The following TANC1 variants were observed in gnomAD, a reference collection of about 807,000 sequenced individuals.
TANC1 encodes the protein tetratricopeptide repeat, ankyrin repeat and coiled-coil containing 1.
In TANC1, 77 loss-of-function variants were observed where a neutral mutation model predicts 149.7. The ratio of observed to expected loss-of-function variants is 0.51; its 90% CI spans 0.43 to 0.62. TANC1 has a LOEUF of 0.62. Among genes scored for constraint, TANC1 ranks in the 20% least tolerant of loss-of-function variants. TANC1 has a pLI of 0.00. For missense variants in TANC1, 1,985 were observed against 2,321.8 expected, an observed-to-expected ratio of 0.85 and a Z score of 2.98; for synonymous variants, 854 against 925.0, an observed-to-expected ratio of 0.92 and a Z score of 1.39.
intron 20 of TANC1, among the ~76,000 whole-genome samples, chr2:159,218,374 G>C (rs1244880277): frequency 1.3e-5 from 2 of 152,154 alleles, no homozygotes; most frequent in African/African-American, 2.4e-5. Flanking sequence ...CTAAGAGCTT[G>C]GTTTGTACCA....
intron 2 of TANC1, among the ~76,000 whole-genome samples, chr2:159,011,811 C>T (rs946078686): frequency 1.3e-5 from 2 of 152,192 alleles, no homozygotes; most frequent in Non-Finnish European, 2.9e-5. Context: ...CCGAATTCCA[C>T]AGTAGAGACA....
intron 7 of TANC1, among the ~76,000 whole-genome samples, chr2:159,152,463 A>T (rs1348228065): frequency 4.3e-4 from 51 of 118,100 alleles, no homozygotes; most frequent in East Asian, 6.8e-4. Flanking sequence ...TTATAACCAA[A>T]TTTTTTTTTT....
chr2:159,116,508 C>T (rs1470760584), intron 4 of TANC1, among the ~76,000 whole-genome samples: 1 of 151,570 alleles, frequency 6.6e-6, no homozygotes, highest in Admixed American at 6.6e-5. Flanking sequence ...CAATTGATGA[C>T]CTTTGAGCAG....
At chr2:159,202,762 C>T (rs576083569) in intron 19 of TANC1, among the ~76,000 whole-genome samples, 387 of 152,212 alleles carry the variant, frequency 2.5e-3, no homozygotes, top group Non-Finnish European at 4.2e-3. Context: ...CGTAGTTTCT[C>T]GGCAGCCTGA....
At chr2:158,976,357 G>A (rs2149189839) in intron 1 of TANC1, among the ~76,000 whole-genome samples, 1 of 152,206 alleles carries the variant, frequency 6.6e-6, no homozygotes, top group Admixed American at 6.5e-5. Flanking sequence ...AATTGACAGT[G>A]GTACCCTCAT....
At chr2:159,110,983 T>G (rs1342431307) in intron 4 of TANC1, among the ~76,000 whole-genome samples, 1 of 152,226 alleles carries the variant, frequency 6.6e-6, no homozygotes, top group Non-Finnish European at 1.5e-5. Context: ...GCTGCCAGCT[T>G]CTTGGATTAT....
At chr2:159,066,502 T>C (rs765101445) in intron 3 of TANC1, among the ~76,000 whole-genome samples, 13 of 152,234 alleles carry the variant, frequency 8.5e-5, no homozygotes, top group Non-Finnish European at 7.3e-5. Context: ...AACCAAATCC[T>C]TTCCCAGAAA....
chr2:159,070,621 A>T (rs75124993), intron 3 of TANC1, among the ~76,000 whole-genome samples: 570 of 152,352 alleles, frequency 3.7e-3, no homozygotes, highest in Non-Finnish European at 6.1e-3. Context: ...AGGAAAATCA[A>T]GGACAATTTG....
At position 159,149,776 on chromosome 2, in the gene TANC1, G is replaced by T. The variant is rs985620420; in HGVS notation, c.495+504G>T. 1.6e-5 allele frequency: 3 copies of T among 184,502 alleles called. No homozygotes were observed. In the East Asian group the frequency reaches 4.5e-4, roughly 28 times the overall value. The allele number at this position is 184,502 out of a possible 1,614,324, so 11.4% of individuals were successfully genotyped here. A position where few individuals can be genotyped will look rare whatever the true frequency, so the allele number is the denominator to read the frequency against. On this transcript the variant is annotated intron_variant, in intron 6 of 26. Coordinates refer to ENST00000263635, the MANE Select transcript of TANC1 (RefSeq NM_033394.3). ...CCAAGGGAGCAGCAGCATGCACCCT[G>T]CCACCTCCCAGATGTGATGTGTGCA...
At chr2:158,976,017 A>G (rs1465393261) in intron 1 of TANC1, among the ~76,000 whole-genome samples, 1 of 151,250 alleles carries the variant, frequency 6.6e-6, no homozygotes, top group Non-Finnish European at 1.5e-5. Flanking sequence ...TATTTTTTGT[A>G]GAGATGGGGT....
chr2:159,205,658 C>A (rs180907463), intron 19 of TANC1, among the ~76,000 whole-genome samples: 2 of 152,202 alleles, frequency 1.3e-5, no homozygotes, highest in Non-Finnish European at 2.9e-5. Context: ...GCTACACCAT[C>A]GAAGTTTGTG....
chr2:158,971,483 G>C (rs981397068), intron 1 of TANC1, among the ~76,000 whole-genome samples: 3 of 152,144 alleles, frequency 2.0e-5, no homozygotes, highest in African/African-American at 7.2e-5. Flanking sequence ...TTATATATTT[G>C]TGGGGAGGAT....
rs756257278 is a variant in TANC1 at position 159,229,676 on chromosome 2, G to A, written c.4250G>A (p.Cys1417Tyr). The A allele has an allele frequency of 7.4e-6, 12 of 1,613,772 alleles. No homozygotes were observed. In the Admixed American group the frequency reaches 8.3e-5, roughly 11 times the overall value. Reference sequence around the variant, plus strand: ...CTTCTGGCCCGCGTAGAAGAGGAGTGCAAACAACTCCAGAGGAGTCAACAG... The same window carrying A: ...CTTCTGGCCCGCGTAGAAGAGGAGTACAAACAACTCCAGAGGAGTCAACAG... ...KRLLARVEEE[C>Y]KQLQRSQQQK... The change falls in exon 27 of 27, where the codon TGC becomes TAC. Residue 1417 changes from cysteine (C) to tyrosine (Y), a missense_variant. Transcript: ENST00000263635.
Position 159,178,536 on chromosome 2 carries a change from G to T in TANC1, c.1903-20G>T. On this transcript the variant is annotated intron_variant, in intron 13 of 26. Coordinates refer to ENST00000263635, the MANE Select transcript of TANC1 (RefSeq NM_033394.3). ...GAATCTCTTTAGAGTGACACTGTGGGTTTTTGTTTTCTCCCCCAGGAAATC... is the reference window on the plus strand; with the variant it reads ...GAATCTCTTTAGAGTGACACTGTGGTTTTTTGTTTTCTCCCCCAGGAAATC... The T allele has an allele frequency of 1.3e-6, 2 of 1,537,702 alleles. No individual in the cohort carries two copies. Among genetic ancestry groups the T allele is most frequent in the Non-Finnish European group, 1.7e-6 (2 of 1,145,222 alleles).
intron 4 of TANC1, among the ~76,000 whole-genome samples, chr2:159,125,842 T>A (rs889281142): frequency 1.3e-5 from 2 of 152,004 alleles, no homozygotes; most frequent in Non-Finnish European, 2.9e-5. Context: ...CCCGCCTCGG[T>A]CTCCCAAAGT....
intron 2 of TANC1, chr2:159,056,196 T>C (rs961375662): frequency 4.2e-6 from 1 of 237,226 alleles, no homozygotes; most frequent in African/African-American, 2.3e-5. Context: ...TCCACAAAGG[T>C]GAGCTTTCCC....
chr2:158,981,537 ATATAT>A (rs2034380522), intron 1 of TANC1, among the ~76,000 whole-genome samples: 5 of 108,316 alleles, frequency 4.6e-5, no homozygotes, highest in South Asian at 5.8e-4. Context: ...ATATATATAT[ATATAT>A]AAAGAAGTAA....
intron 1 of TANC1, among the ~76,000 whole-genome samples, chr2:158,993,888 T>C (rs1026040067): frequency 3.3e-5 from 5 of 152,264 alleles, no homozygotes; most frequent in African/African-American, 1.2e-4. Context: ...GAATGCCTTC[T>C]GTATGAATGT....
chr2:159,121,194 T>C (rs2048813710), intron 4 of TANC1, among the ~76,000 whole-genome samples: 1 of 152,244 alleles, frequency 6.6e-6, no homozygotes, highest in African/African-American at 2.4e-5. Flanking sequence ...CTGGCTCATC[T>C]TTGTAAACAG....
Sources: gnomAD v4.1 joint callset for allele counts (sites outside exome capture counted in the v4.1 genomes callset) on GRCh38, gnomAD v4.1.1 for gene constraint, MANE v1.5 for transcripts, NCBI Gene and HGNC (gene_info 2026-07-23, HGNC 2026-07-21) for gene names.